RBM47: variants seen among roughly 807,000 people sequenced by gnomAD.
RBM47 encodes the protein RNA-binding protein 47.
RBM47 carries 21 observed loss-of-function variants against 47.1 expected under a neutral mutation model. The ratio of observed to expected loss-of-function variants is 0.45; its 90% CI spans 0.32 to 0.64. RBM47 has a LOEUF of 0.64. RBM47 is among the 30% of genes least tolerant of loss of function. The pLI is 0.05. For missense variants in RBM47, 708 were observed against 870.9 expected, an observed-to-expected ratio of 0.81 and a Z score of 2.35; for synonymous variants, 375 against 361.7, an observed-to-expected ratio of 1.04 and a Z score of -0.42.
intron 3 of RBM47, among the ~76,000 whole-genome samples, chr4:40,465,281 T>G (rs1560389752): frequency 6.6e-6 from 1 of 152,054 alleles, no homozygotes; most frequent in Non-Finnish European, 1.5e-5. Flanking sequence ...AAGGTCAGGG[T>G]GAAGCTAATC....
At chr4:40,475,810 A>T (rs1719523092) in intron 2 of RBM47, 1 of 152,196 alleles carries the variant, frequency 6.6e-6, no homozygotes, top group Admixed American at 6.5e-5. Context: ...AGGGCTCCTC[A>T]TTGGTCAACG....
chr4:40,605,542 G>GCAT (rs1735682955), intron 1 of RBM47, among the ~76,000 whole-genome samples: 1 of 152,002 alleles, frequency 6.6e-6, no homozygotes. Context: ...GAAAAATACT[G>GCAT]GTCTTCGGCC....
chr4:40,625,418 T>C (rs1163470682), intron 1 of RBM47, among the ~76,000 whole-genome samples: 1 of 152,170 alleles, frequency 6.6e-6, no homozygotes, highest in African/African-American at 2.4e-5. Context: ...TTTATTATAA[T>C]ATTAATATGC....
At chr4:40,579,746 G>A (rs967226932) in intron 1 of RBM47, among the ~76,000 whole-genome samples, 1 of 71,350 alleles carries the variant, frequency 1.4e-5, no homozygotes, top group African/African-American at 6.1e-5. Flanking sequence ...AAACTTTAGG[G>A]TAATTTTTTT....
At chr4:40,451,997 C>T (rs1252076858) in intron 3 of RBM47, among the ~76,000 whole-genome samples, 1 of 152,286 alleles carries the variant, frequency 6.6e-6, no homozygotes, top group East Asian at 1.9e-4. Context: ...TGGCAAAACC[C>T]TGTCTCTACT....
intron 1 of RBM47, among the ~76,000 whole-genome samples, chr4:40,583,261 A>C (rs1352963480): frequency 1.3e-5 from 2 of 151,930 alleles, no homozygotes; most frequent in Admixed American, 1.3e-4. Flanking sequence ...AAATACAAAA[A>C]AAATTAGCTG....
intron 1 of RBM47, among the ~76,000 whole-genome samples, chr4:40,556,442 A>G (rs758361456): frequency 9.9e-5 from 15 of 151,768 alleles, no homozygotes; most frequent in Non-Finnish European, 1.8e-4. Context: ...TTGGGAGGCC[A>G]AGGTAGGAGG....
At chr4:40,471,102 T>C (rs1718796675) in intron 2 of RBM47, among the ~76,000 whole-genome samples, 1 of 152,170 alleles carries the variant, frequency 6.6e-6, no homozygotes, top group Non-Finnish European at 1.5e-5. Context: ...CATGGGGTCC[T>C]AAAGCTGCCA....
chr4:40,580,470 G>A (rs999881810), intron 1 of RBM47, among the ~76,000 whole-genome samples: 2 of 49,820 alleles, frequency 4.0e-5, no homozygotes, highest in Non-Finnish European at 4.0e-5. Context: ...CCTCAGGCAC[G>A]TGGGAAGGCC....
chr4:40,496,327 TAAACAC>T (rs1172890467), intron 2 of RBM47, among the ~76,000 whole-genome samples: 2 of 95,994 alleles, frequency 2.1e-5, no homozygotes, highest in East Asian at 3.3e-4. Context: ...CTGGAGAACT[TAAACAC>T]ACACACACAC....
At chr4:40,600,985 C>CAAAAAAAAAAAAAAAAAAAAAAAAAAAA (rs56054491) in intron 1 of RBM47, among the ~76,000 whole-genome samples, 17 of 50,110 alleles carry the variant, frequency 3.4e-4, no homozygotes, top group Non-Finnish European at 5.0e-4. Flanking sequence ...AACTCCGTCT[C>CAAAAAAAAAAAAAAAAAAAAAAAAAAAA]AAAAAAAAAA....
In RBM47 at chr4:40,548,532, G is replaced by A. The variant is rs181191816; in HGVS notation, c.-239-4026C>T. ...ACCTGTCTGGAGACAAAGAAGGCAG[G>A]AAATAGGGAAACAGACATAGGGATG... is the stretch of plus-strand genomic sequence containing the variant. On this transcript the variant is annotated intron_variant, in intron 1 of 6. Transcript: ENST00000295971. Among the ~76,000 whole-genome samples the A allele has an allele frequency of 9.8e-4, 150 of 152,358 alleles. 1 individual carries two copies. Among genetic ancestry groups the A allele is most frequent in the African/African-American group, 3.5e-3 (145 of 41,586 alleles).
At chr4:40,540,508 G>C (rs431883) in intron 2 of RBM47, among the ~76,000 whole-genome samples, 1 of 151,200 alleles carries the variant, frequency 6.6e-6, no homozygotes, top group East Asian at 1.9e-4. Context: ...GCATGGTGGC[G>C]CATGCCTGTA....
At chr4:40,556,733 T>TA (rs915590982) in intron 1 of RBM47, among the ~76,000 whole-genome samples, 1 of 151,238 alleles carries the variant, frequency 6.6e-6, no homozygotes, top group Non-Finnish European at 1.5e-5. Context: ...CTATAAAAAA[T>TA]AAAAAAATTC....
At chr4:40,452,157 G>A (rs758506491) in intron 3 of RBM47, among the ~76,000 whole-genome samples, 2 of 149,710 alleles carry the variant, frequency 1.3e-5, no homozygotes, top group Non-Finnish European at 3.0e-5. Context: ...GCAACAGAGC[G>A]AGACTCCATC....
chr4:40,514,861 A>G (rs1433313621), intron 2 of RBM47: 2 of 152,228 alleles, frequency 1.3e-5, no homozygotes, highest in Admixed American at 1.3e-4. Context: ...CGATTTTTTT[A>G]AAGGTGGCAT....
At chr4:40,562,951 A>G (rs866113305) in intron 1 of RBM47, among the ~76,000 whole-genome samples, 69 of 152,240 alleles carry the variant, frequency 4.5e-4, no homozygotes, top group Admixed American at 1.4e-3. Flanking sequence ...CAAAAGGGTC[A>G]AGTACAATGA....
At chr4:40,465,974 C>T (rs1717949198) in intron 3 of RBM47, among the ~76,000 whole-genome samples, 1 of 152,066 alleles carries the variant, frequency 6.6e-6, no homozygotes, top group Non-Finnish European at 1.5e-5. Flanking sequence ...CTGACTGAAA[C>T]ATAGTTGACT....
At chr4:40,625,768 G>A (rs571660895) in intron 1 of RBM47, among the ~76,000 whole-genome samples, 1 of 152,236 alleles carries the variant, frequency 6.6e-6, no homozygotes, top group African/African-American at 2.4e-5. Context: ...ATCGTGATTT[G>A]GGGAGACTGG....
Sources: allele counts gnomAD v4.1 joint callset (sites outside exome capture counted in the v4.1 genomes callset), GRCh38; gene constraint gnomAD v4.1.1; transcripts MANE v1.5; gene names NCBI Gene and HGNC (gene_info 2026-07-23, HGNC 2026-07-21).